CINP: variants seen among roughly 807,000 people sequenced by gnomAD.
CINP encodes cyclin-dependent kinase 2-interacting protein.
A neutral mutation model predicts 20.5 loss-of-function variants in CINP; 11 were observed. That is an observed-to-expected ratio of 0.54 (90% CI 0.34 to 0.89). The LOEUF (loss-of-function observed/expected upper bound fraction) is 0.89. CINP is among the 40% of genes least tolerant of loss of function. CINP has a pLI of 0.02. For synonymous variants in CINP, 108 were observed against 102.1 expected, an observed-to-expected ratio of 1.06 and a Z score of -0.35; for missense variants, 213 against 251.0, an observed-to-expected ratio of 0.85 and a Z score of 1.02.
intron 1 of CINP, among the ~76,000 whole-genome samples, chr14:102,361,435 C>T (rs1015740547): frequency 3.3e-5 from 5 of 152,060 alleles, no homozygotes; most frequent in Non-Finnish European, 5.9e-5. Flanking sequence ...GTCAGGAGAT[C>T]GAGACCATCC....
Position 102,351,906 on chromosome 14 carries a change from A to C in CINP, c.307-1858T>G, listed in dbSNP as rs1489670257. Among the ~76,000 whole-genome samples the C allele has an allele frequency of 1.3e-5, 2 of 151,852 alleles. No homozygotes were observed. Among genetic ancestry groups the C allele is most frequent in the Non-Finnish European group, 2.9e-5 (2 of 67,974 alleles). ...TGTTTTTGTTTTTGTTTTTTTTGAG[A>C]CAGAGTCTCGCTTTGTCACCCAGGC... On this transcript the variant is annotated intron_variant, in intron 3 of 4. Transcript: ENST00000216756. The surrounding 1 kb of genome is among the most constrained non-coding windows in gnomAD (Gnocchi z 4.2).
chr14:102,348,740 G>A lies in CINP; in HGVS notation c.456C>T (p.Leu152=), dbSNP rs146618940. The change falls in exon 5 of 5, where the codon CTC becomes CTT. Residue 152 remains leucine, a synonymous_variant. Transcript: ENST00000216756. ...GCAGCTCCTTCCTGTACATCTCCAAGAGCTTATGCGAAACCTCATCTGAAA... is the reference window on the plus strand; with the variant it reads ...GCAGCTCCTTCCTGTACATCTCCAAAAGCTTATGCGAAACCTCATCTGAAA... ...TTHFYEVSHK[L]LEMYRKELLL... The A allele has an allele frequency of 1.2e-6, 2 of 1,613,644 alleles. No homozygotes were observed. The highest frequency in any genetic ancestry group is 1.7e-6 in the Non-Finnish European group (2 of 1,179,808).
chr14:102,356,627 T>G (rs1487710816), intron 2 of CINP, among the ~76,000 whole-genome samples: 2 of 152,234 alleles, frequency 1.3e-5, no homozygotes, highest in Non-Finnish European at 2.9e-5. Flanking sequence ...CCTCTGTATG[T>G]AGAGCAAGTC....
rs1260884326 is a variant in CINP, at chr14:102,349,953, G to C, written c.402C>G (p.Pro134=). The part of the protein sequence containing the change: ...NYHYGEESKR[P]PLFHTWPTTH... ...TTGTAGGCCACGTGTGGAACAGAGG[G>C]GGTCGTTTACTCTCCTCCCCATAAT... The change falls in exon 4 of 5, where the codon CCC becomes CCG. Residue 134 remains proline (P), a synonymous_variant. Transcript: ENST00000216756. The C allele has an allele frequency of 6.2e-7, 1 of 1,613,778 alleles. No individual in the cohort carries two copies. The highest frequency in any genetic ancestry group is 8.5e-7 in the Non-Finnish European group (1 of 1,179,922).
At chr14:102,362,599 C>T (rs1887191929) in intron 1 of CINP, 5 of 708,342 alleles carry the variant, frequency 7.1e-6, no homozygotes, top group Non-Finnish European at 1.3e-5. Flanking sequence ...TCTGCTGACA[C>T]TCATTTGCGT....
chr14:102,359,539 C>G lies in CINP; in HGVS notation c.56G>C (p.Ser19Thr), dbSNP rs200858256. The part of the protein sequence containing the change: ...VTPRKPVLSV[S>T]ARKIKDNAAD... ...CGCATTGTCCTTAATTTTTCTTGCACTGACAGATAAGACAGGTTTTCTGGG... is the reference window on the plus strand; with the variant it reads ...CGCATTGTCCTTAATTTTTCTTGCAGTGACAGATAAGACAGGTTTTCTGGG... Residue 19 changes from serine to threonine, a missense_variant, in exon 2 of 5, where the codon AGT becomes ACT. By Grantham distance (58) the Ser-to-Thr change is moderately conservative (BLOSUM62 1). Transcript: ENST00000216756. 249 of 1,612,910 alleles carry G rather than the reference C, an allele frequency of 1.5e-4. 3 individuals are homozygous for G. Among genetic ancestry groups the G allele is most frequent in the South Asian group, 6.0e-4 (55 of 90,916 alleles).
chr14:102,362,347 G>A (rs1046661032), intron 1 of CINP, among the ~76,000 whole-genome samples: 1 of 152,238 alleles, frequency 6.6e-6, no homozygotes, highest in South Asian at 2.1e-4. Context: ...TGCAAAATGG[G>A]GTTGACATTA....
intron 1 of CINP, among the ~76,000 whole-genome samples, chr14:102,362,264 G>C (rs1887181568): frequency 6.6e-6 from 1 of 152,220 alleles, no homozygotes. Context: ...CCAGTCATCA[G>C]CGTCACAGGA....
In CINP at chr14:102,348,429, A is replaced by C; in HGVS notation, c.*128T>G. 1.2e-6 allele frequency: 1 copy of C among 822,308 alleles called. No homozygotes were observed. Among genetic ancestry groups the C allele is most frequent in the Non-Finnish European group, 1.8e-6 (1 of 547,166 alleles). 50.9% of individuals were successfully genotyped at this position (822,308 alleles called of 1,614,324 possible). ...CTGGAGAGGCCATGGGGCTGGTGACAAGCTCTGGCCAGAAGACCCCAAGGT... is the reference window on the plus strand; with the variant it reads ...CTGGAGAGGCCATGGGGCTGGTGACCAGCTCTGGCCAGAAGACCCCAAGGT... On this transcript the variant is annotated 3_prime_UTR_variant, in exon 5 of 5. Coordinates refer to ENST00000216756, the MANE Select transcript of CINP (RefSeq NM_032630.3).
chr14:102,359,992 ACT>A (rs1419482777), intron 1 of CINP, among the ~76,000 whole-genome samples: 1 of 152,228 alleles, frequency 6.6e-6, no homozygotes, highest in Non-Finnish European at 1.5e-5. Flanking sequence ...GCACTCTGAT[ACT>A]TTAAATTTGC....
Position 102,351,313 on chromosome 14 carries a change from G to T in CINP, c.307-1265C>A, listed in dbSNP as rs972592399. ...GCCCTGTAACTGCATGATGTGTATG[G>T]CTACTTGTGGGAGACACTAAACCAA... On this transcript the variant is annotated intron_variant, in intron 3 of 4. Transcript: ENST00000216756. The surrounding 1 kb of genome is among the most constrained non-coding windows in gnomAD (Gnocchi z 4.2). Among the ~76,000 whole-genome samples the T allele has an allele frequency of 6.6e-6, 1 of 152,194 alleles. No homozygotes were observed. Among genetic ancestry groups the T allele is most frequent in the Non-Finnish European group, 1.5e-5 (1 of 68,034 alleles).
Position 102,348,516 on chromosome 14 carries a change from G to A in CINP, c.*41C>T. The A allele has an allele frequency of 1.3e-6, 2 of 1,552,514 alleles. No individual in the cohort carries two copies. The highest frequency in any genetic ancestry group is 1.7e-6 in the Non-Finnish European group (2 of 1,142,854). On this transcript the variant is annotated 3_prime_UTR_variant, in exon 5 of 5. Coordinates refer to ENST00000216756, the MANE Select transcript of CINP (RefSeq NM_032630.3). ...GTCCTAGGCAGACTGTCTGCCTGGT[G>A]AGACGTGGAAGGAGCCAGTGTCCGC...
At chr14:102,350,199 C>T (rs1886836686) in intron 3 of CINP, 151 bp from the exon 4 acceptor site, 4 of 645,840 alleles carry the variant, frequency 6.2e-6, no homozygotes, top group African/African-American at 5.6e-5. Flanking sequence ...ACAGCAAATT[C>T]CCAGGGAGAT....
At chr14:102,362,506 G>A (rs1011367819) in intron 1 of CINP, 4 of 699,376 alleles carry the variant, frequency 5.7e-6, no homozygotes, top group Admixed American at 4.0e-5. Flanking sequence ...GTTTCTGGAC[G>A]AGATGAGCAT....
intron 3 of CINP, among the ~76,000 whole-genome samples, chr14:102,352,168 G>A (rs1397175160): frequency 6.6e-6 from 1 of 152,156 alleles, no homozygotes; most frequent in Non-Finnish European, 1.5e-5. Flanking sequence ...TTCCAGGCGT[G>A]AGCCACCGCG....
intron 4 of CINP, among the ~76,000 whole-genome samples, chr14:102,349,592 C>CA (rs1886820499): frequency 6.6e-6 from 1 of 151,888 alleles, no homozygotes. Context: ...CTCAACAAAC[C>CA]AAAAAAACTC....
intron 3 of CINP, among the ~76,000 whole-genome samples, chr14:102,354,484 T>C (rs898707546): frequency 2.0e-5 from 3 of 152,166 alleles, no homozygotes; most frequent in African/African-American, 7.2e-5. Context: ...TGGACGAACA[T>C]GGTGGCTCAC....
chr14:102,354,416 T>C (rs113269439), intron 3 of CINP, among the ~76,000 whole-genome samples: 1,790 of 152,314 alleles, frequency 0.012, 36 homozygotes, highest in African/African-American at 0.04. Context: ...CAATAGTGAT[T>C]GTGACTCATA....
chr14:102,355,672 A>G (rs915470620), intron 3 of CINP, 96 bp downstream of exon 3: 53 of 1,371,098 alleles, frequency 3.9e-5, no homozygotes, highest in Non-Finnish European at 5.2e-5. Flanking sequence ...GGAGACTGAG[A>G]AGGAGTAAGT....
Sources: gnomAD v4.1 joint callset for allele counts (sites outside exome capture counted in the v4.1 genomes callset) on GRCh38, gnomAD v4.1.1 for gene constraint, Gnocchi (gnomAD v3.1) non-coding constraint, MANE v1.5 for transcripts, NCBI Gene and HGNC (gene_info 2026-07-23, HGNC 2026-07-21) for gene names.